Variants in STXBP4 observed in about 807,000 individuals in gnomAD.
The protein encoded by STXBP4 is syntaxin binding protein 4.
A neutral mutation model predicts 76.1 loss-of-function variants in STXBP4; 55 were observed. That is an observed-to-expected ratio of 0.72 (90% CI 0.58 to 0.91). The LOEUF is 0.91. Ranked by LOEUF, STXBP4 falls within the 40% of genes least tolerant of loss-of-function variation. STXBP4 has a pLI of 0.00. For missense variants in STXBP4, 618 were observed against 636.9 expected (o/e 0.97, Z 0.32); for synonymous variants, 201 against 220.2 (o/e 0.91, Z 0.77).
intron 16 of STXBP4, among the ~76,000 whole-genome samples, chr17:55,085,814 A>G (rs988355256): frequency 1.1e-4 from 16 of 152,142 alleles, no homozygotes; most frequent in African/African-American, 1.7e-4. Context: ...AGTTTTCCCA[A>G]TAAATATATA....
the STXBP4 span, among the ~76,000 whole-genome samples, chr17:55,188,456 A>C: frequency 2.0e-5 from 3 of 152,176 alleles, no homozygotes; most frequent in African/African-American, 7.2e-5. Context: ...CAGCTATCTG[A>C]AATTGCTTCT....
At chr17:55,111,859 A>G (rs560903856) in intron 16 of STXBP4, among the ~76,000 whole-genome samples, 3 of 152,234 alleles carry the variant, frequency 2.0e-5, no homozygotes, top group Non-Finnish European at 2.9e-5. Flanking sequence ...GTATTCCTTC[A>G]GACCTTCACA....
Position 55,167,535 on chromosome 17 carries a change from A to C in STXBP4, c.*7624A>C, listed in dbSNP as rs956194538. 1 of 152,240 alleles carries C rather than the reference A, an allele frequency of 6.6e-6. No homozygotes were observed. Among genetic ancestry groups the C allele is most frequent in the African/African-American group, 2.4e-5 (1 of 41,466 alleles). 9.4% of individuals were successfully genotyped at this position (152,240 alleles called of 1,614,324 possible). On this transcript the variant is annotated 3_prime_UTR_variant, in exon 18 of 18. Transcript: ENST00000376352. The stretch of plus-strand genomic sequence containing the variant: ...GCCATAAAACTCACAGTATGATCGC[A>C]GTAAAAGGATTGTAAAGCACATACT...
Position 55,145,689 on chromosome 17 carries a change from G to C in STXBP4, c.1547+4322G>C, listed in dbSNP as rs543980375. ...CAGTGTTGGCATCGCTACAGCCAGT[G>C]TTTCATAGAATTAATAAACATATAT... is the stretch of plus-strand genomic sequence containing the variant. On this transcript the variant is annotated intron_variant, in intron 17 of 17. Transcript: ENST00000376352. 7.8e-4 allele frequency among the ~76,000 whole-genome samples: 118 copies of C among 152,068 alleles called. 1 individual carries two copies. The highest frequency in any genetic ancestry group is 1.5e-3 in the Non-Finnish European group (100 of 68,022).
intron 16 of STXBP4, among the ~76,000 whole-genome samples, chr17:55,097,836 T>C (rs2079511363): frequency 6.6e-6 from 1 of 152,192 alleles, no homozygotes; most frequent in Non-Finnish European, 1.5e-5. Context: ...ATAATAGATT[T>C]GGCTTTGAGA....
At position 55,033,599 on chromosome 17, in the gene STXBP4, C is replaced by T. The variant is rs999786543; in HGVS notation, c.764-569C>T. ...TAGATGAGTAAGTTACTCTCCTTGTCAGAAGAAGCCTATGAACTGTTCTTT... is the reference window on the plus strand; with the variant it reads ...TAGATGAGTAAGTTACTCTCCTTGTTAGAAGAAGCCTATGAACTGTTCTTT... On this transcript the variant is annotated intron_variant, in intron 9 of 17. Coordinates refer to ENST00000376352, the MANE Select transcript of STXBP4 (RefSeq NM_178509.6). 7.9e-5 allele frequency among the ~76,000 whole-genome samples: 12 copies of T among 152,248 alleles called. No homozygotes were observed. In the East Asian group the frequency reaches 2.3e-3, roughly 29 times the overall value.
chr17:55,011,458 A>C (rs1335310131), intron 8 of STXBP4, among the ~76,000 whole-genome samples: 2 of 133,370 alleles, frequency 1.5e-5, no homozygotes, highest in South Asian at 4.7e-4. Context: ...TTTTTCAAAA[A>C]TTTTCAGTTA....
At chr17:55,134,589 T>A (rs1329696740) in intron 16 of STXBP4, among the ~76,000 whole-genome samples, 1 of 151,820 alleles carries the variant, frequency 6.6e-6, no homozygotes, top group African/African-American at 2.4e-5. Context: ...CTGAGGAGAG[T>A]CAGATGTGTT....
intron 16 of STXBP4, among the ~76,000 whole-genome samples, chr17:55,116,609 T>C (rs887094551): frequency 2.6e-5 from 4 of 151,720 alleles, no homozygotes; most frequent in Admixed American, 2.6e-4. Context: ...TCCTTATATA[T>C]AACTGTAACG....
intron 3 of STXBP4, among the ~76,000 whole-genome samples, chr17:54,987,578 G>A (rs2077644139): frequency 6.6e-6 from 1 of 152,090 alleles, no homozygotes. Flanking sequence ...CTATTGTGTG[G>A]ATGTACCATG....
At chr17:55,034,833 G>T (rs187949976) in intron 10 of STXBP4, among the ~76,000 whole-genome samples, 4 of 152,004 alleles carry the variant, frequency 2.6e-5, no homozygotes, top group Admixed American at 2.0e-4. Context: ...CTCTTTTTGT[G>T]CTTTATGTAA....
intron 12 of STXBP4, among the ~76,000 whole-genome samples, chr17:55,066,973 G>A (rs1232913241): frequency 6.6e-6 from 1 of 152,168 alleles, no homozygotes; most frequent in Non-Finnish European, 1.5e-5. Flanking sequence ...TAAATAAAAT[G>A]TAGTTCTAAT....
At chr17:55,016,833 C>G (rs2078216680) in intron 8 of STXBP4, among the ~76,000 whole-genome samples, 2 of 152,176 alleles carry the variant, frequency 1.3e-5, no homozygotes, top group African/African-American at 4.8e-5. Context: ...TAGTAAGCTA[C>G]CTTTTTGCTT....
intron 16 of STXBP4, among the ~76,000 whole-genome samples, chr17:55,114,493 A>C (rs1017621903): frequency 6.6e-6 from 1 of 152,072 alleles, no homozygotes; most frequent in African/African-American, 2.4e-5. Context: ...GTTAACAGTA[A>C]TATGTCCCTT....
the STXBP4 span, among the ~76,000 whole-genome samples, chr17:55,185,172 A>ATTTTCTTCTTCTTCT: frequency 6.9e-6 from 1 of 144,206 alleles, no homozygotes; most frequent in African/African-American, 2.6e-5. Context: ...CCTGGCCACT[A>ATTTTCTTCTTCTTCT]TTTTCTTCTT....
At chr17:55,068,108 A>G (rs1288418799) in intron 12 of STXBP4, among the ~76,000 whole-genome samples, 1 of 152,152 alleles carries the variant, frequency 6.6e-6, no homozygotes, top group Non-Finnish European at 1.5e-5. Context: ...AGTCAAGGAA[A>G]CTAGATATAA....
chr17:55,157,946 G>A (rs2080299628), intron 17 of STXBP4, among the ~76,000 whole-genome samples: 1 of 152,096 alleles, frequency 6.6e-6, no homozygotes, highest in Non-Finnish European at 1.5e-5. Context: ...ACATAGTCTT[G>A]GAGACTCATA....
chr17:55,008,710 G>A (rs1318086268), intron 8 of STXBP4, among the ~76,000 whole-genome samples: 1 of 152,116 alleles, frequency 6.6e-6, no homozygotes, highest in Non-Finnish European at 1.5e-5. Flanking sequence ...TAACATCTCT[G>A]TGTCTTCAGA....
At chr17:55,131,703 A>G (rs1291471992) in intron 16 of STXBP4, among the ~76,000 whole-genome samples, 3 of 152,146 alleles carry the variant, frequency 2.0e-5, no homozygotes, top group Admixed American at 2.0e-4. Flanking sequence ...CCATTAATTC[A>G]TGTTCGACAG....
Sources: gnomAD v4.1 joint callset for allele counts (sites outside exome capture counted in the v4.1 genomes callset) on GRCh38, gnomAD v4.1.1 for gene constraint, MANE v1.5 for transcripts, NCBI Gene and HGNC (gene_info 2026-07-23, HGNC 2026-07-21) for gene names.